The following PDZRN3 variants were observed in gnomAD, a reference collection of about 807,000 sequenced individuals.
PDZRN3 encodes the protein PDZ domain containing ring finger 3, also known as E3 ubiquitin-protein ligase PDZRN3.
Under a neutral mutation model 85.7 loss-of-function variants are expected in PDZRN3, and 38 were observed. That is an observed-to-expected ratio of 0.44 (90% CI 0.34 to 0.58). The LOEUF (loss-of-function observed/expected upper bound fraction) is 0.58, where lower values mean the gene tolerates loss of function less well. Among genes scored for constraint, PDZRN3 ranks in the 20% least tolerant of loss-of-function variants. PDZRN3 has a pLI of 0.01. For missense variants in PDZRN3, 1,629 were observed against 1,506.4 expected (o/e 1.08, Z -1.35); for synonymous variants, 759 against 638.0 (o/e 1.19, Z -2.86).
At chr3:73,554,707 CCA>C (rs1338858610) in intron 3 of PDZRN3, among the ~76,000 whole-genome samples, 5 of 152,280 alleles carry the variant, frequency 3.3e-5, no homozygotes, top group East Asian at 3.9e-4. Flanking sequence ...CAATTTTCAT[CCA>C]CACTCACTGG....
In PDZRN3 at chr3:73,552,637, C is replaced by T. The variant is rs867447659; in HGVS notation, c.918+49717G>A. ...GAACTTAAGAGAAATGTGATTAAAA[C>T]ATTACTGACAAGGCATCGCTATTTA... is the stretch of plus-strand genomic sequence containing the variant. On this transcript the variant is annotated intron_variant, in intron 3 of 9. Transcript: ENST00000263666. Among the ~76,000 whole-genome samples, 9 of 152,300 alleles carry T rather than the reference C, an allele frequency of 5.9e-5. No homozygotes were observed. The Middle Eastern group carries it at 0.01, about 173-fold the overall frequency.
At chr3:73,612,595 A>C (rs1053555755) in intron 1 of PDZRN3, among the ~76,000 whole-genome samples, 1 of 152,242 alleles carries the variant, frequency 6.6e-6, no homozygotes. Flanking sequence ...AAGGAAGCAG[A>C]GAAGGTGAAC....
At chr3:73,484,299 G>C (rs1703622987) in intron 3 of PDZRN3, among the ~76,000 whole-genome samples, 1 of 152,196 alleles carries the variant, frequency 6.6e-6, no homozygotes, top group African/African-American at 2.4e-5. Context: ...TTTGAGCAGA[G>C]ATGTCCCAGA....
At chr3:73,622,404 C>T (rs1385254893) in intron 1 of PDZRN3, among the ~76,000 whole-genome samples, 1 of 152,174 alleles carries the variant, frequency 6.6e-6, no homozygotes, top group Non-Finnish European at 1.5e-5. Flanking sequence ...AATATTTTCC[C>T]CTTTCTGCCA....
chr3:73,431,970 T>C (rs1427489042), intron 3 of PDZRN3, among the ~76,000 whole-genome samples: 1 of 152,198 alleles, frequency 6.6e-6, no homozygotes, highest in African/African-American at 2.4e-5. Context: ...AGGGTGCCAG[T>C]GTAATTAATA....
chr3:73,593,554 A>G (rs1575755170), intron 3 of PDZRN3, among the ~76,000 whole-genome samples: 1 of 152,244 alleles, frequency 6.6e-6, no homozygotes, highest in East Asian at 1.9e-4. Context: ...GCGTTTCCAT[A>G]CCTGGCGCCA....
At chr3:73,550,344 T>A (rs968280094) in intron 3 of PDZRN3, among the ~76,000 whole-genome samples, 1 of 152,200 alleles carries the variant, frequency 6.6e-6, no homozygotes, top group Admixed American at 6.5e-5. Flanking sequence ...CGTTCAAGTT[T>A]GAGAATGGAC....
intron 3 of PDZRN3, among the ~76,000 whole-genome samples, chr3:73,450,853 C>T (rs1424053011): frequency 6.6e-6 from 1 of 151,978 alleles, no homozygotes; most frequent in African/African-American, 2.4e-5. Flanking sequence ...CTGGATGAGA[C>T]CTGCAGAATC....
chr3:73,531,450 T>G (rs1704652759), intron 3 of PDZRN3, among the ~76,000 whole-genome samples: 1 of 152,188 alleles, frequency 6.6e-6, no homozygotes, highest in Non-Finnish European at 1.5e-5. Flanking sequence ...TGTTTGCCTG[T>G]GTTACACTTG....
chr3:73,504,091 T>C (rs9882261), intron 3 of PDZRN3, among the ~76,000 whole-genome samples: 379 of 152,338 alleles, frequency 2.5e-3, no homozygotes, highest in African/African-American at 8.9e-3. Flanking sequence ...AAATTAATAT[T>C]ACACTGCTGT....
intron 3 of PDZRN3, among the ~76,000 whole-genome samples, chr3:73,566,388 A>C (rs1173968246): frequency 6.6e-6 from 1 of 152,232 alleles, no homozygotes; most frequent in Non-Finnish European, 1.5e-5. Context: ...ACTGAAGGAA[A>C]GTCTTTATCC....
At position 73,530,354 on chromosome 3, in the gene PDZRN3, A is replaced by C. The variant is rs377678033; in HGVS notation, c.918+72000T>G. Among the ~76,000 whole-genome samples, 33 of 152,366 alleles carry C rather than the reference A, an allele frequency of 2.2e-4. No individual in the cohort carries two copies. The East Asian group carries it at 3.3e-3, about 15-fold the overall frequency. ...ACTACCAAATGACAAAACCACGATT[A>C]TGTACTGGCTCCCTACAAAATCCTT... On this transcript the variant is annotated intron_variant, in intron 3 of 9. Coordinates refer to ENST00000263666, the MANE Select transcript of PDZRN3 (RefSeq NM_015009.3).
chr3:73,411,451 C>T (rs1042182450), intron 3 of PDZRN3, among the ~76,000 whole-genome samples: 1 of 151,646 alleles, frequency 6.6e-6, no homozygotes, highest in Non-Finnish European at 1.5e-5. Flanking sequence ...GATGTGTAGG[C>T]TGAGGTGTGA....
At chr3:73,485,995 A>G (rs950643921) in intron 3 of PDZRN3, among the ~76,000 whole-genome samples, 3 of 152,248 alleles carry the variant, frequency 2.0e-5, no homozygotes, top group African/African-American at 7.2e-5. Context: ...TTTTAAAGCT[A>G]TTAGCAATGC....
chr3:73,596,466 A>G (rs1702431740), intron 3 of PDZRN3, among the ~76,000 whole-genome samples: 1 of 152,220 alleles, frequency 6.6e-6, no homozygotes, highest in Non-Finnish European at 1.5e-5. Flanking sequence ...ATTATAAAGA[A>G]GAAAATGGTA....
intron 3 of PDZRN3, among the ~76,000 whole-genome samples, chr3:73,459,263 C>T (rs1308042746): frequency 1.3e-5 from 2 of 152,160 alleles, no homozygotes; most frequent in East Asian, 1.9e-4. Context: ...CCTCCCATAA[C>T]ACATGGGGAT....
At chr3:73,619,956 T>C (rs1702829041) in intron 1 of PDZRN3, among the ~76,000 whole-genome samples, 1 of 152,238 alleles carries the variant, frequency 6.6e-6, no homozygotes, top group Non-Finnish European at 1.5e-5. Context: ...CAAGGGACGT[T>C]TGGCAATGTC....
intron 3 of PDZRN3, among the ~76,000 whole-genome samples, chr3:73,469,077 CTTT>C (rs536974688): frequency 4.2e-5 from 6 of 144,156 alleles, no homozygotes; most frequent in Non-Finnish European, 7.7e-5. Flanking sequence ...AAAGATTCAT[CTTT>C]TTTTTTTTTT....
At chr3:73,470,741 T>A (rs1703320775) in intron 3 of PDZRN3, among the ~76,000 whole-genome samples, 1 of 152,202 alleles carries the variant, frequency 6.6e-6, no homozygotes, top group African/African-American at 2.4e-5. Flanking sequence ...TTGAAATGGT[T>A]AACTCAAGTC....
Sources: gnomAD v4.1 joint callset for allele counts (sites outside exome capture counted in the v4.1 genomes callset) on GRCh38, gnomAD v4.1.1 for gene constraint, MANE v1.5 for transcripts, NCBI Gene and HGNC (gene_info 2026-07-23, HGNC 2026-07-21) for gene names.